Variants in PHLPP1 observed in about 807,000 individuals in gnomAD.
PHLPP1 encodes PH domain and leucine rich repeat protein phosphatase 1, also known as PH domain leucine-rich repeat-containing protein phosphatase 1.
In PHLPP1, 42 loss-of-function variants were observed where a neutral mutation model predicts 117.2. The ratio of observed to expected loss-of-function variants is 0.36; its 90% CI spans 0.28 to 0.46. The LOEUF is 0.46. Ranked by LOEUF, PHLPP1 falls within the 20% of genes least tolerant of loss-of-function variation. The pLI is 1.00. For synonymous variants in PHLPP1, 1,042 were observed against 970.7 expected, an observed-to-expected ratio of 1.07 and a Z score of -1.37; for missense variants, 2,084 against 2,241.9, an observed-to-expected ratio of 0.93 and a Z score of 1.42.
At chr18:62,850,706 G>A (rs763853127) in intron 3 of PHLPP1, among the ~76,000 whole-genome samples, 1 of 152,170 alleles carries the variant, frequency 6.6e-6, no homozygotes, top group African/African-American at 2.4e-5. Context: ...GGGTTTGTGT[G>A]TGTGGAAGGG....
At chr18:62,817,049 C>T (rs555728259) in intron 1 of PHLPP1, among the ~76,000 whole-genome samples, 38 of 152,308 alleles carry the variant, frequency 2.5e-4, no homozygotes, top group African/African-American at 9.1e-4. Context: ...TCAGATGATC[C>T]TGCAACCTCA....
chr18:62,952,065 G>A (rs965095449), intron 12 of PHLPP1, among the ~76,000 whole-genome samples: 1 of 151,836 alleles, frequency 6.6e-6, no homozygotes, highest in Non-Finnish European at 1.5e-5. Context: ...TGATCCACCC[G>A]CCTCGGCCTC....
Position 62,945,199 on chromosome 18 carries a change from C to T in PHLPP1, c.3252C>T (p.Arg1084=), listed in dbSNP as rs1910242897. Residue 1084 remains arginine (R), a synonymous_variant, in exon 12 of 17, where the codon CGC becomes CGT. Transcript: ENST00000262719. ...AIPTTIMNCR[R]MHTVIAHSNC... is the part of the protein sequence containing the mutation. The stretch of plus-strand genomic sequence containing the variant: ...CAACAACGATCATGAATTGCAGGCG[C>T]ATGCACACCGTGATTGCTCACTCCA... 1.2e-6 allele frequency: 2 copies of T among 1,613,194 alleles called. No individual in the cohort carries two copies. Among genetic ancestry groups the T allele is most frequent in the Non-Finnish European group, 1.7e-6 (2 of 1,179,620 alleles).
chr18:62,721,680 C>T (rs182440562), intron 1 of PHLPP1, among the ~76,000 whole-genome samples: 30 of 151,980 alleles, frequency 2.0e-4, no homozygotes, highest in Non-Finnish European at 3.8e-4. Flanking sequence ...TTCCTAAATT[C>T]GTGTGTCTTT....
intron 9 of PHLPP1, among the ~76,000 whole-genome samples, chr18:62,916,744 A>ATTTTT (rs1909290526): frequency 1.4e-4 from 13 of 93,720 alleles, no homozygotes; most frequent in African/African-American, 3.6e-4. Context: ...CTTTCCTTCT[A>ATTTTT]TTCTTTTTTT....
Position 62,978,759 on chromosome 18 carries a change from C to G in PHLPP1, c.4482C>G (p.Ala1494=). ...SEMSSEVGST[A]SDEPPPGALS... ...TGAGCAGCGAGGTGGGGTCAACAGC[C>G]TCCGATGAGCCCCCGCCCGGAGCCC... The change falls in exon 17 of 17, where the codon GCC becomes GCG. Residue 1494 remains alanine, a synonymous_variant. Coordinates refer to ENST00000262719, the MANE Select transcript of PHLPP1 (RefSeq NM_194449.4). This position sits in a 1 kb window ranked among gnomAD's most constrained non-coding sequence, Gnocchi z 7.0. 6.2e-7 allele frequency: 1 copy of G among 1,613,326 alleles called. No individual in the cohort carries two copies.
intron 3 of PHLPP1, among the ~76,000 whole-genome samples, chr18:62,857,572 C>CT (rs1742439493): frequency 6.6e-6 from 1 of 152,130 alleles, no homozygotes; most frequent in African/African-American, 2.4e-5. Flanking sequence ...CATCTGGGTA[C>CT]TTTGTTTGCA....
At chr18:62,759,655 C>T (rs1912149970) in intron 1 of PHLPP1, among the ~76,000 whole-genome samples, 1 of 152,136 alleles carries the variant, frequency 6.6e-6, no homozygotes, top group African/African-American at 2.4e-5. Context: ...GGACTAATAA[C>T]GAAATGACTA....
intron 10 of PHLPP1, among the ~76,000 whole-genome samples, chr18:62,931,041 A>G (rs1467866221): frequency 1.3e-5 from 2 of 152,040 alleles, no homozygotes; most frequent in African/African-American, 4.8e-5. Flanking sequence ...AAGAAAATAC[A>G]AAAAAATTAG....
chr18:62,772,560 T>C (rs1477195114), intron 1 of PHLPP1, among the ~76,000 whole-genome samples: 1 of 152,140 alleles, frequency 6.6e-6, no homozygotes, highest in Non-Finnish European at 1.5e-5. Flanking sequence ...TTGGGCATGC[T>C]GGCTCATGCC....
chr18:62,917,396 TTGTGTGTGTGTGTGTG>T (rs34407573), intron 9 of PHLPP1, among the ~76,000 whole-genome samples: 1 of 141,440 alleles, frequency 7.1e-6, no homozygotes, highest in African/African-American at 2.7e-5. Context: ...ACAGTATTCT[TTGTGTGTGTGTGTGTG>T]TGTGTGTGTG....
intron 1 of PHLPP1, among the ~76,000 whole-genome samples, chr18:62,782,254 G>A (rs1415918785): frequency 1.3e-5 from 2 of 152,242 alleles, no homozygotes; most frequent in Non-Finnish European, 2.9e-5. Context: ...TCCTAATCCT[G>A]ATTTTTGCTT....
intron 4 of PHLPP1, among the ~76,000 whole-genome samples, chr18:62,871,242 A>T (rs117480631): frequency 0.01 from 1,592 of 152,316 alleles, 17 homozygotes; most frequent in Non-Finnish European, 0.015. Context: ...GCAAAGCTGT[A>T]TGAACTTATT....
intron 4 of PHLPP1, among the ~76,000 whole-genome samples, chr18:62,893,784 T>G (rs562386032): frequency 6.7e-6 from 1 of 149,230 alleles, no homozygotes; most frequent in African/African-American, 2.5e-5. Context: ...AATGTAAGAG[T>G]GCACAGAGAA....
At chr18:62,967,094 T>A (rs1007206959) in intron 14 of PHLPP1, among the ~76,000 whole-genome samples, 1 of 152,248 alleles carries the variant, frequency 6.6e-6, no homozygotes, top group Non-Finnish European at 1.5e-5. Flanking sequence ...TAGCATTCCA[T>A]AGCATGGACA....
intron 1 of PHLPP1, among the ~76,000 whole-genome samples, chr18:62,770,452 A>G (rs1415210073): frequency 6.6e-6 from 1 of 152,150 alleles, no homozygotes; most frequent in African/African-American, 2.4e-5. Flanking sequence ...AGTAACAACC[A>G]TATGAAGTTT....
chr18:62,849,092 A>G (rs573034330), intron 3 of PHLPP1, among the ~76,000 whole-genome samples: 2 of 152,328 alleles, frequency 1.3e-5, no homozygotes, highest in African/African-American at 2.4e-5. Flanking sequence ...CTGCTAAAAG[A>G]CACTTGAGCA....
chr18:62,856,987 G>T (rs920727661), intron 3 of PHLPP1, among the ~76,000 whole-genome samples: 1 of 150,786 alleles, frequency 6.6e-6, no homozygotes, highest in East Asian at 1.9e-4. Flanking sequence ...TTATTTATTT[G>T]TAAAGAAAGC....
chr18:62,897,482 C>T (rs79475474), intron 6 of PHLPP1, among the ~76,000 whole-genome samples: 7,188 of 152,108 alleles, frequency 0.047, 356 homozygotes, highest in East Asian at 0.23. Flanking sequence ...TGCCTTAATA[C>T]TTTATTTGTT....
Sources: gnomAD v4.1 joint callset for allele counts (sites outside exome capture counted in the v4.1 genomes callset) on GRCh38, gnomAD v4.1.1 for gene constraint, Gnocchi (gnomAD v3.1) non-coding constraint, MANE v1.5 for transcripts, NCBI Gene and HGNC (gene_info 2026-07-23, HGNC 2026-07-21) for gene names.